Variants in C12orf42 observed in about 807,000 individuals in gnomAD.
C12orf42 encodes chromosome 12 open reading frame 42, also known as uncharacterized protein C12orf42.
Under a neutral mutation model 21.6 loss-of-function variants are expected in C12orf42, and 25 were observed. The ratio of observed to expected loss-of-function variants is 1.16; its 90% CI spans 0.84 to 1.62. C12orf42 has a LOEUF of 1.62. Ranked by LOEUF, C12orf42 falls within the 40% of genes most tolerant of loss-of-function variation. The pLI is 0.00. For synonymous variants in C12orf42, 174 were observed against 175.0 expected (o/e 0.99, Z 0.05); for missense variants, 483 against 459.3 (o/e 1.05, Z -0.47).
Position 103,492,244 on chromosome 12 carries a change from C to CA in C12orf42, c.-22+3657dup, listed in dbSNP as rs527675403. Among the ~76,000 whole-genome samples, 259 of 152,306 alleles carry CA rather than the reference C, an allele frequency of 1.7e-3. 1 individual carries two copies. Among genetic ancestry groups the CA allele is most frequent in the African/African-American group, 5.9e-3 (246 of 41,548 alleles). On this transcript the variant is annotated intron_variant, in intron 1 of 5. Transcript: ENST00000548883. The stretch of plus-strand genomic sequence containing the variant: ...AAATGCTGGGATTACAGGGGTGAGC[C>CA]ACCGCACCTGGCCCTCATTCTTAAT...
the C12orf42 span, among the ~76,000 whole-genome samples, chr12:103,079,346 G>A: frequency 6.6e-6 from 1 of 152,138 alleles, no homozygotes; most frequent in African/African-American, 2.4e-5. Context: ...GGGAAACAGA[G>A]ATAAGGTATA....
intron 2 of C12orf42, among the ~76,000 whole-genome samples, chr12:103,427,564 A>T (rs1949939045): frequency 6.6e-6 from 1 of 152,196 alleles, no homozygotes; most frequent in Non-Finnish European, 1.5e-5. Flanking sequence ...TATTAAACAG[A>T]TCAATGAGAC....
the C12orf42 span, among the ~76,000 whole-genome samples, chr12:103,543,062 A>G: frequency 1.3e-5 from 2 of 152,216 alleles, no homozygotes; most frequent in Non-Finnish European, 2.9e-5. Context: ...TTTGCCAAGG[A>G]TGAGGAGGTT....
chr12:103,271,155 A>G (rs2035451743), intron 5 of C12orf42, among the ~76,000 whole-genome samples: 1 of 152,126 alleles, frequency 6.6e-6, no homozygotes, highest in South Asian at 2.1e-4. Context: ...AAAGTGGGGC[A>G]TGGGAGGCCT....
chr12:103,164,817 A>G, the C12orf42 span: 1 of 422,200 alleles, frequency 2.4e-6, no homozygotes, highest in Non-Finnish European at 4.8e-6. Flanking sequence ...TAGGAGAGAC[A>G]AGATAAATTG....
At position 103,346,264 on chromosome 12, in the gene C12orf42, C is replaced by A. The variant is rs4147494; in HGVS notation, c.259+22623G>T. Among the ~76,000 whole-genome samples the A allele has an allele frequency of 0.013, 1,968 of 152,232 alleles. 127 individuals carry two copies. In the East Asian group the frequency reaches 0.22, roughly 17 times the overall value. ...CTTTAAATAAATAATGTTATTACTG[C>A]TGTAACTAGCAGGTTATCTCCATCC... On this transcript the variant is annotated intron_variant, in intron 4 of 5. Coordinates refer to ENST00000548883, the MANE Select transcript of C12orf42 (RefSeq NM_198521.5).
chr12:103,078,510 T>C, the C12orf42 span, among the ~76,000 whole-genome samples: 1 of 152,224 alleles, frequency 6.6e-6, no homozygotes, highest in South Asian at 2.1e-4. Flanking sequence ...CATCAACTTA[T>C]CTTTATCTCT....
the C12orf42 span, among the ~76,000 whole-genome samples, chr12:103,106,383 A>C: frequency 3.7e-4 from 56 of 152,090 alleles, 1 homozygote; most frequent in Non-Finnish European, 1.6e-4. Context: ...AAAATAAAAT[A>C]ATGAAAATAG....
At chr12:103,243,069 G>T (rs1350832896) in intron 10 of C12orf42, among the ~76,000 whole-genome samples, 1 of 152,014 alleles carries the variant, frequency 6.6e-6, no homozygotes, top group Non-Finnish European at 1.5e-5. Context: ...TGTTGTTTAG[G>T]CTAGAGTGCA....
chr12:103,131,119 G>A, the C12orf42 span, among the ~76,000 whole-genome samples: 1 of 152,166 alleles, frequency 6.6e-6, no homozygotes, highest in Admixed American at 6.5e-5. Context: ...GGGTGTCCTA[G>A]TGGGAGTAAT....
intron 10 of C12orf42, among the ~76,000 whole-genome samples, chr12:103,257,421 T>C (rs528130936): frequency 1.3e-5 from 2 of 152,272 alleles, no homozygotes; most frequent in Admixed American, 6.5e-5. Flanking sequence ...GATTAAAGCA[T>C]GCTTAAAAAG....
chr12:103,217,532 A>G, the C12orf42 span, among the ~76,000 whole-genome samples: 5 of 113,886 alleles, frequency 4.4e-5, no homozygotes, highest in Non-Finnish European at 8.5e-5. Context: ...CCCTGTCTCA[A>G]AAAAAAAAAA....
chr12:103,484,471 T>C (rs981970309), intron 1 of C12orf42, among the ~76,000 whole-genome samples: 8 of 152,218 alleles, frequency 5.3e-5, no homozygotes, highest in Admixed American at 5.2e-4. Flanking sequence ...TTTTGAGAAG[T>C]GTCTGTTAGT....
At chr12:103,130,384 A>G in the C12orf42 span, among the ~76,000 whole-genome samples, 1 of 151,074 alleles carries the variant, frequency 6.6e-6, no homozygotes, top group African/African-American at 2.4e-5. Context: ...ATCTTTAATC[A>G]TCATTCTAAT....
chr12:103,154,504 G>A, the C12orf42 span, among the ~76,000 whole-genome samples: 3 of 151,544 alleles, frequency 2.0e-5, no homozygotes, highest in African/African-American at 4.8e-5. Flanking sequence ...TTTTTTTTCA[G>A]AAATGCAAAA....
intron 2 of C12orf42, among the ~76,000 whole-genome samples, chr12:103,444,254 G>T (rs1418096431): frequency 2.0e-5 from 3 of 151,928 alleles, no homozygotes; most frequent in African/African-American, 7.3e-5. Context: ...ACATGTAAAG[G>T]TCTACATTTT....
At chr12:103,150,938 G>A in the C12orf42 span, among the ~76,000 whole-genome samples, 86 of 152,222 alleles carry the variant, frequency 5.6e-4, no homozygotes, top group African/African-American at 2.0e-3. Flanking sequence ...AACATCGGAA[G>A]GGAGTGTATC....
chr12:103,128,969 G>T, the C12orf42 span, among the ~76,000 whole-genome samples: 48,045 of 151,950 alleles, frequency 0.32, 8,038 homozygotes, highest in East Asian at 0.48. Context: ...TGAGGCATAT[G>T]ATACAGAGAG....
chr12:103,263,018 T>C (rs1456534204), intron 10 of C12orf42, among the ~76,000 whole-genome samples: 1 of 152,128 alleles, frequency 6.6e-6, no homozygotes, highest in Non-Finnish European at 1.5e-5. Flanking sequence ...CGGATGAAGC[T>C]GGAAACCATC....
Sources: gnomAD v4.1 joint callset for allele counts (sites outside exome capture counted in the v4.1 genomes callset) on GRCh38, gnomAD v4.1.1 for gene constraint, MANE v1.5 for transcripts, NCBI Gene and HGNC (gene_info 2026-07-23, HGNC 2026-07-21) for gene names.